The following CPE variants were observed in gnomAD, a reference collection of about 807,000 sequenced individuals.
The protein encoded by CPE is carboxypeptidase E, also known as carbocypeptidase E.
Under a neutral mutation model 53.5 loss-of-function variants are expected in CPE, and 17 were observed. That is an observed-to-expected ratio of 0.32 (90% CI 0.22 to 0.48). The LOEUF is 0.48. Among genes scored for constraint, CPE ranks in the 20% least tolerant of loss-of-function variants. The pLI, the probability that CPE is intolerant of heterozygous loss-of-function variation, is 0.99. For synonymous variants in CPE, 226 were observed against 228.8 expected (o/e 0.99, Z 0.11); for missense variants, 524 against 614.7 (o/e 0.85, Z 1.56).
chr4:165,478,309 A>G (rs1254023157), intron 3 of CPE, among the ~76,000 whole-genome samples: 4 of 152,222 alleles, frequency 2.6e-5, no homozygotes, highest in Admixed American at 6.5e-5. Context: ...TATAGTACAC[A>G]GGGGTCTCAG....
chr4:165,410,293 G>A (rs10022006), intron 1 of CPE, among the ~76,000 whole-genome samples: 1 of 150,400 alleles, frequency 6.6e-6, no homozygotes, highest in Non-Finnish European at 1.5e-5. Context: ...CTTGAACTAT[G>A]TGAACAACTT....
chr4:165,483,879 G>A (rs143044813), intron 4 of CPE, among the ~76,000 whole-genome samples: 2 of 152,264 alleles, frequency 1.3e-5, no homozygotes, highest in Non-Finnish European at 2.9e-5. Flanking sequence ...AAATAACATT[G>A]TTAAATAAAT....
At chr4:165,413,959 G>A (rs922608517) in intron 1 of CPE, among the ~76,000 whole-genome samples, 3 of 152,120 alleles carry the variant, frequency 2.0e-5, no homozygotes, top group Middle Eastern at 3.2e-3. Context: ...AGCATTTGAC[G>A]AGTATTCTAT....
At chr4:165,410,843 T>TG (rs1343674004) in intron 1 of CPE, among the ~76,000 whole-genome samples, 1 of 151,948 alleles carries the variant, frequency 6.6e-6, no homozygotes, top group Admixed American at 6.6e-5. Flanking sequence ...TGTGTGTGTG[T>TG]TTGTGTGTGT....
intron 1 of CPE, among the ~76,000 whole-genome samples, chr4:165,382,103 TA>T (rs1443098903): frequency 5.9e-5 from 8 of 135,012 alleles, no homozygotes; most frequent in South Asian, 2.5e-4. Context: ...AAAAAGACAG[TA>T]AGGTCAGCAG....
At chr4:165,386,170 A>G (rs1351204486) in intron 1 of CPE, 4 of 492,868 alleles carry the variant, frequency 8.1e-6, no homozygotes, top group Non-Finnish European at 1.6e-5. Flanking sequence ...GGTGGTAAAT[A>G]TAAAGTTCTT....
intron 6 of CPE, among the ~76,000 whole-genome samples, chr4:165,490,900 C>T (rs1355719443): frequency 6.6e-6 from 1 of 152,150 alleles, no homozygotes; most frequent in Non-Finnish European, 1.5e-5. Flanking sequence ...ATCTGGGGAG[C>T]AATCATTGCA....
intron 1 of CPE, among the ~76,000 whole-genome samples, chr4:165,395,878 C>T (rs536897697): frequency 6.6e-6 from 1 of 152,280 alleles, no homozygotes; most frequent in South Asian, 2.1e-4. Flanking sequence ...CCTAATCTCG[C>T]CTGTATAGAC....
At chr4:165,444,844 T>C (rs1731677854) in intron 1 of CPE, among the ~76,000 whole-genome samples, 1 of 152,240 alleles carries the variant, frequency 6.6e-6, no homozygotes, top group Admixed American at 6.5e-5. Flanking sequence ...TCCCTAGTCA[T>C]TGCAAGTCGG....
At chr4:165,410,326 A>ATCG (rs1201432846) in intron 1 of CPE, among the ~76,000 whole-genome samples, 1 of 152,112 alleles carries the variant, frequency 6.6e-6, no homozygotes, top group African/African-American at 2.4e-5. Flanking sequence ...GAGTAAAAAA[A>ATCG]TCGTTGAATT....
rs1730470284 is a variant in CPE, at chr4:165,379,600, G to A, written c.307+72G>A. ...GCGGCAGAGGGTGGGACTGGTGGCG[G>A]TGGGGGAAGGAGGGAGGGATGGGCC... On this transcript the variant is annotated intron_variant, in intron 1 of 8. Coordinates refer to ENST00000402744, the MANE Select transcript of CPE (RefSeq NM_001873.4). This position sits in a 1 kb window ranked among gnomAD's most constrained non-coding sequence, Gnocchi z 6.0. The A allele has an allele frequency of 3.6e-5, 44 of 1,225,058 alleles. No individual in the cohort carries two copies. The highest frequency in any genetic ancestry group is 4.7e-5 in the Non-Finnish European group (43 of 922,216). The allele number at this position is 1,225,058 out of a possible 1,614,324, so 75.9% of individuals were successfully genotyped here. A position where few individuals can be genotyped will look rare whatever the true frequency, so the allele number is the denominator to read the frequency against.
chr4:165,404,292 G>T (rs375869101), intron 1 of CPE: 60 of 770,606 alleles, frequency 7.8e-5, no homozygotes, highest in East Asian at 7.6e-4. Context: ...CCCTCTTGCG[G>T]GCACGTGACT....
In CPE at chr4:165,474,629, G is replaced by A. The variant is rs77939123; in HGVS notation, c.672+6774G>A. ...ACTTGAGAACAGAAGAGATACTAGAGTAAACAGTGGGACCCTTGTTCATCC... is the reference window on the plus strand; with the variant it reads ...ACTTGAGAACAGAAGAGATACTAGAATAAACAGTGGGACCCTTGTTCATCC... On this transcript the variant is annotated intron_variant, in intron 3 of 8. Transcript: ENST00000402744. Among the ~76,000 whole-genome samples, 1,428 of 152,320 alleles carry A rather than the reference G, an allele frequency of 9.4e-3. 10 individuals carry two copies. The highest frequency in any genetic ancestry group is 0.024 in the East Asian group (123 of 5,186).
chr4:165,428,004 ATCTC>A (rs34626941), intron 1 of CPE, among the ~76,000 whole-genome samples: 2 of 150,386 alleles, frequency 1.3e-5, no homozygotes, highest in Non-Finnish European at 3.0e-5. Flanking sequence ...CTGTATTTTC[ATCTC>A]TCTCTCTCTC....
intron 1 of CPE, among the ~76,000 whole-genome samples, chr4:165,403,438 G>C (rs1009765062): frequency 1.3e-5 from 2 of 152,138 alleles, no homozygotes; most frequent in African/African-American, 2.4e-5. Flanking sequence ...AGTGTGGAGT[G>C]GTATGGAAAA....
intron 1 of CPE, among the ~76,000 whole-genome samples, chr4:165,457,732 T>C (rs1410266017): frequency 6.6e-6 from 1 of 152,254 alleles, no homozygotes; most frequent in Non-Finnish European, 1.5e-5. Flanking sequence ...TAAATTTCAC[T>C]CTGAAGGAAG....
chr4:165,405,516 T>C, intron 1 of CPE: 3 of 950,364 alleles, frequency 3.2e-6, no homozygotes, highest in Non-Finnish European at 5.2e-6. Flanking sequence ...TCTTCCACTT[T>C]TTTGTAAATC....
chr4:165,435,036 A>G (rs1301958420), intron 1 of CPE, among the ~76,000 whole-genome samples: 3 of 152,120 alleles, frequency 2.0e-5, no homozygotes, highest in Non-Finnish European at 2.9e-5. Context: ...ACCTTCTGCC[A>G]TGAGTGGAAG....
At chr4:165,475,185 T>C (rs1031553444) in intron 3 of CPE, among the ~76,000 whole-genome samples, 2 of 152,006 alleles carry the variant, frequency 1.3e-5, no homozygotes, top group African/African-American at 4.8e-5. Context: ...AAAGGAGTGT[T>C]AACTCAAAAA....
Sources: allele counts gnomAD v4.1 joint callset (sites outside exome capture counted in the v4.1 genomes callset), GRCh38; gene constraint gnomAD v4.1.1; non-coding constraint Gnocchi (gnomAD v3.1); transcripts MANE v1.5; gene names NCBI Gene and HGNC (gene_info 2026-07-23, HGNC 2026-07-21).